Variants in STARD13 observed in about 807,000 individuals in gnomAD.
The protein encoded by STARD13 is StAR related lipid transfer domain containing 13, also known as stAR-related lipid transfer protein 13.
In STARD13, 62 loss-of-function variants were observed where a neutral mutation model predicts 106.4. The observed-to-expected ratio is 0.58, with a 90% CI of 0.48 to 0.72. The LOEUF is 0.72. Ranked by LOEUF, STARD13 falls within the 30% of genes least tolerant of loss-of-function variation. The pLI, the probability that STARD13 is intolerant of heterozygous loss-of-function variation, is 0.00. For synonymous variants in STARD13, 565 were observed against 553.0 expected (o/e 1.02, Z -0.31); for missense variants, 1,387 against 1,424.0 (o/e 0.97, Z 0.42).
chr13:33,374,150 C>T, the STARD13 span, among the ~76,000 whole-genome samples: 1 of 152,046 alleles, frequency 6.6e-6, no homozygotes, highest in East Asian at 1.9e-4. Flanking sequence ...ATTGATAAAC[C>T]TTGAAGACAT....
At chr13:33,512,666 G>C in the STARD13 span, among the ~76,000 whole-genome samples, 1 of 151,888 alleles carries the variant, frequency 6.6e-6, no homozygotes, top group Non-Finnish European at 1.5e-5. Context: ...ATGGGGTTTC[G>C]CCATGTTGGG....
At chr13:33,343,212 A>T (rs956600627) in intron 1 of STARD13, among the ~76,000 whole-genome samples, 1 of 151,962 alleles carries the variant, frequency 6.6e-6, no homozygotes, top group Non-Finnish European at 1.5e-5. Context: ...CACTCCACTT[A>T]GCTGCTCAGA....
At chr13:33,456,049 A>G in the STARD13 span, among the ~76,000 whole-genome samples, 1 of 152,236 alleles carries the variant, frequency 6.6e-6, no homozygotes, top group African/African-American at 2.4e-5. Context: ...ATGTCCATGA[A>G]TAAAGTTTTA....
At chr13:33,197,494 C>T (rs981895763) in intron 1 of STARD13, among the ~76,000 whole-genome samples, 16 of 151,660 alleles carry the variant, frequency 1.1e-4, no homozygotes, top group Admixed American at 8.5e-4. Flanking sequence ...TTGTTTGTAT[C>T]GCAAGTGGGC....
the STARD13 span, among the ~76,000 whole-genome samples, chr13:33,663,221 G>C: frequency 6.6e-6 from 1 of 152,038 alleles, no homozygotes; most frequent in Non-Finnish European, 1.5e-5. Context: ...AAAGAGCTGG[G>C]ATTACAGGCA....
chr13:33,253,733 AT>A (rs1467351130), intron 1 of STARD13, among the ~76,000 whole-genome samples: 1 of 152,092 alleles, frequency 6.6e-6, no homozygotes, highest in Non-Finnish European at 1.5e-5. Flanking sequence ...GATTCTACTG[AT>A]TTATGTCAAG....
chr13:33,544,835 C>A, the STARD13 span, among the ~76,000 whole-genome samples: 1 of 147,298 alleles, frequency 6.8e-6, no homozygotes, highest in African/African-American at 2.5e-5. Flanking sequence ...GTGCAGTGGC[C>A]AGATTTCAGC....
the STARD13 span, among the ~76,000 whole-genome samples, chr13:33,369,394 C>G: frequency 2.2e-4 from 34 of 152,278 alleles, no homozygotes; most frequent in African/African-American, 7.0e-4. Context: ...CTTCAAATAC[C>G]TTGAAAAATC....
At chr13:33,459,212 A>G in the STARD13 span, among the ~76,000 whole-genome samples, 1 of 152,008 alleles carries the variant, frequency 6.6e-6, no homozygotes, top group Non-Finnish European at 1.5e-5. Flanking sequence ...CTTCCCTCCA[A>G]AAGTTTCCTC....
At chr13:33,359,114 C>A in the STARD13 span, among the ~76,000 whole-genome samples, 10 of 152,172 alleles carry the variant, frequency 6.6e-5, no homozygotes, top group African/African-American at 7.2e-5. Context: ...CATTGGCAAC[C>A]CGCTCAGGTT....
chr13:33,370,218 A>G, the STARD13 span, among the ~76,000 whole-genome samples: 1 of 152,196 alleles, frequency 6.6e-6, no homozygotes, highest in African/African-American at 2.4e-5. Context: ...GAGCTTTTTA[A>G]ACTGAATCTA....
the STARD13 span, among the ~76,000 whole-genome samples, chr13:33,663,764 G>A: frequency 5.9e-5 from 9 of 152,222 alleles, no homozygotes; most frequent in Non-Finnish European, 4.4e-5. Context: ...GCAGGAGGGA[G>A]CAAGTCAGAA....
At chr13:33,429,937 G>C in the STARD13 span, among the ~76,000 whole-genome samples, 1 of 149,536 alleles carries the variant, frequency 6.7e-6, no homozygotes, top group Non-Finnish European at 1.5e-5. Context: ...TGGGGGGGGG[G>C]GACGGAGTCT....
the STARD13 span, among the ~76,000 whole-genome samples, chr13:33,544,489 T>C: frequency 3.2e-4 from 49 of 152,214 alleles, no homozygotes; most frequent in African/African-American, 1.2e-3. Flanking sequence ...GTTAGATAAG[T>C]TTATGTTTAT....
chr13:33,558,836 A>G, the STARD13 span, among the ~76,000 whole-genome samples: 1 of 151,594 alleles, frequency 6.6e-6, no homozygotes, highest in South Asian at 2.1e-4. Context: ...GGCTACTGCT[A>G]TTGTCATGCA....
In STARD13 at chr13:33,126,072, C is replaced by T; in HGVS notation, c.2082+9G>A. 6.2e-7 allele frequency: 1 copy of T among 1,613,228 alleles called. No individual in the cohort carries two copies. Among genetic ancestry groups the T allele is most frequent in the South Asian group, 1.1e-5 (1 of 91,034 alleles). On this transcript the variant is annotated intron_variant, in intron 7 of 13. Transcript: ENST00000336934. The stretch of plus-strand genomic sequence containing the variant: ...TGGTGGGGCAGCAGCGGGGGGGTTA[C>T]AGCCCTACCTGATCGAGGCAGTTGC...
At chr13:33,256,547 A>T (rs1890374134) in intron 1 of STARD13, among the ~76,000 whole-genome samples, 1 of 152,188 alleles carries the variant, frequency 6.6e-6, no homozygotes. Flanking sequence ...TCTCTTTAAA[A>T]TTTTTTTGAA....
chr13:33,363,182 C>A, the STARD13 span, among the ~76,000 whole-genome samples: 2 of 152,234 alleles, frequency 1.3e-5, no homozygotes, highest in Non-Finnish European at 2.9e-5. Context: ...GTCTCATGAT[C>A]TTTGTTTGCT....
chr13:33,136,800 C>A (rs1410331740), intron 4 of STARD13, among the ~76,000 whole-genome samples: 2 of 151,380 alleles, frequency 1.3e-5, no homozygotes, highest in African/African-American at 4.8e-5. Context: ...TCAGTGTAAC[C>A]TCATTCTTCT....
Sources: gnomAD v4.1 joint callset for allele counts (sites outside exome capture counted in the v4.1 genomes callset) on GRCh38, gnomAD v4.1.1 for gene constraint, MANE v1.5 for transcripts, NCBI Gene and HGNC (gene_info 2026-07-23, HGNC 2026-07-21) for gene names.